PTPRE: variants seen among roughly 807,000 people sequenced by gnomAD.
PTPRE encodes the protein receptor-type tyrosine-protein phosphatase epsilon.
PTPRE carries 51 observed loss-of-function variants against 102.0 expected under a neutral mutation model. The observed-to-expected ratio is 0.50, with a 90% CI of 0.40 to 0.63. The LOEUF (loss-of-function observed/expected upper bound fraction) is 0.63. PTPRE is among the 30% of genes least tolerant of loss of function. PTPRE has a pLI of 0.00. For missense variants in PTPRE, 752 were observed against 915.1 expected (o/e 0.82, Z 2.30); for synonymous variants, 345 against 348.2 (o/e 0.99, Z 0.10).
At chr10:127,923,151 G>GTAA (rs1438912688) in intron 1 of PTPRE, among the ~76,000 whole-genome samples, 2 of 152,248 alleles carry the variant, frequency 1.3e-5, no homozygotes, top group Non-Finnish European at 2.9e-5. Context: ...TTTGACATGA[G>GTAA]TAATAGCAAA....
At chr10:128,010,133 C>A (rs769224406) in intron 2 of PTPRE, among the ~76,000 whole-genome samples, 9 of 152,162 alleles carry the variant, frequency 5.9e-5, no homozygotes, top group Admixed American at 6.5e-5. Flanking sequence ...CTTTGCTGGC[C>A]GTAAACCAGG....
intron 2 of PTPRE, among the ~76,000 whole-genome samples, chr10:128,019,820 C>CGGGGTG (rs748523996): frequency 2.1e-4 from 32 of 152,318 alleles, no homozygotes; most frequent in Non-Finnish European, 2.8e-4. Flanking sequence ...ACAGCACCCA[C>CGGGGTG]GGTGCCTCTC....
At chr10:127,910,713 G>A (rs12776505) in intron 1 of PTPRE, among the ~76,000 whole-genome samples, 9,565 of 152,234 alleles carry the variant, frequency 0.063, 391 homozygotes, top group Non-Finnish European at 0.085. Flanking sequence ...TTGACAGGCC[G>A]CTTGGCTGGT....
rs778247846 is a variant in PTPRE, at chr10:128,061,659, T to G, written c.589-20T>G. 1 of 1,579,402 alleles carries G rather than the reference T, an allele frequency of 6.3e-7. No individual in the cohort carries two copies. The highest frequency in any genetic ancestry group is 1.2e-5 in the South Asian group (1 of 86,500). ...AAAGATAATTCTGAAAAAATATAAA[T>G]CTGATGTTATTTTTTCTAGGGTTAC... On this transcript the variant is annotated intron_variant, in intron 8 of 20. Transcript: ENST00000254667.
intron 6 of PTPRE, among the ~76,000 whole-genome samples, chr10:128,054,297 G>C (rs986793580): frequency 6.6e-6 from 1 of 152,044 alleles, no homozygotes; most frequent in African/African-American, 2.4e-5. Context: ...GGGTTTTGAC[G>C]AATGCACAGT....
At chr10:128,032,102 G>A (rs1450173176) in intron 2 of PTPRE, among the ~76,000 whole-genome samples, 2 of 152,016 alleles carry the variant, frequency 1.3e-5, no homozygotes, top group African/African-American at 2.4e-5. Flanking sequence ...TGCAACCTCC[G>A]CCTCCTGGGT....
In PTPRE at chr10:127,951,974, T is replaced by C. The variant is rs373958288; in HGVS notation, c.-30-30300T>C. Among the ~76,000 whole-genome samples, 53 of 152,346 alleles carry C rather than the reference T, an allele frequency of 3.5e-4. No homozygotes were observed. In the South Asian group the frequency reaches 8.5e-3, roughly 24 times the overall value. ...TTGAGGAAATTAACACATCTCCTGA[T>C]ACCTGGTGTGCAGCTATTGATCTGG... On this transcript the variant is annotated intron_variant, in intron 1 of 20. Coordinates refer to ENST00000254667, the MANE Select transcript of PTPRE (RefSeq NM_006504.6).
chr10:128,037,399 T>C (rs1847306173), intron 2 of PTPRE, among the ~76,000 whole-genome samples: 2 of 152,212 alleles, frequency 1.3e-5, no homozygotes, highest in African/African-American at 4.8e-5. Context: ...GAGGAATCAT[T>C]GCTCCCTCAC....
intron 1 of PTPRE, among the ~76,000 whole-genome samples, chr10:127,948,162 A>G (rs1848758233): frequency 6.6e-6 from 1 of 152,196 alleles, no homozygotes; most frequent in South Asian, 2.1e-4. Context: ...GGGTGAGCCT[A>G]GGCTTAGAAG....
chr10:127,969,544 T>C (rs1417691903), intron 1 of PTPRE, among the ~76,000 whole-genome samples: 1 of 152,102 alleles, frequency 6.6e-6, no homozygotes, highest in East Asian at 1.9e-4. Context: ...GGTGCACACC[T>C]GTAATCCCAG....
chr10:127,988,425 C>T (rs1031551142), intron 2 of PTPRE, among the ~76,000 whole-genome samples: 3 of 151,084 alleles, frequency 2.0e-5, no homozygotes, highest in African/African-American at 7.3e-5. Context: ...CCTGCCTCTA[C>T]CTCCTGAGTA....
chr10:127,955,230 G>T (rs1849311491), intron 1 of PTPRE, among the ~76,000 whole-genome samples: 1 of 152,056 alleles, frequency 6.6e-6, no homozygotes. Context: ...TGAAGGTTTA[G>T]GTAACTCCAG....
At chr10:128,000,068 T>A in intron 2 of PTPRE, 1 of 683,742 alleles carries the variant, frequency 1.5e-6, no homozygotes, top group Non-Finnish European at 1.8e-6. Flanking sequence ...CATGAGTCTT[T>A]AACTTAGTAT....
chr10:127,976,156 T>G (rs1440630318), intron 1 of PTPRE, among the ~76,000 whole-genome samples: 1 of 152,132 alleles, frequency 6.6e-6, no homozygotes, highest in East Asian at 1.9e-4. Flanking sequence ...TTAAAAAACA[T>G]GACAGTGACT....
intron 1 of PTPRE, among the ~76,000 whole-genome samples, chr10:127,937,212 T>A (rs931064147): frequency 6.6e-6 from 1 of 152,172 alleles, no homozygotes; most frequent in African/African-American, 2.4e-5. Context: ...ATTCACATGA[T>A]AATGGCTTTT....
chr10:128,015,452 C>T (rs187427680), intron 2 of PTPRE, among the ~76,000 whole-genome samples: 45 of 152,246 alleles, frequency 3.0e-4, no homozygotes, highest in African/African-American at 1.0e-3. Flanking sequence ...CTGCAAGCTC[C>T]GCCTCCTGGG....
intron 2 of PTPRE, among the ~76,000 whole-genome samples, chr10:128,010,274 A>C (rs1441930749): frequency 1.3e-5 from 2 of 152,206 alleles, no homozygotes; most frequent in Non-Finnish European, 2.9e-5. Context: ...CACACAGAAA[A>C]TGGCAGAGCC....
chr10:128,077,399 G>A (rs1022850940), intron 18 of PTPRE, among the ~76,000 whole-genome samples: 6 of 152,190 alleles, frequency 3.9e-5, no homozygotes, highest in African/African-American at 9.6e-5. Context: ...TGGACGGCTC[G>A]CTCCCCCTTG....
chr10:128,070,018 C>T lies in PTPRE; in HGVS notation c.1143+191C>T, dbSNP rs1211417950. On this transcript the variant is annotated intron_variant, in intron 13 of 20. Transcript: ENST00000254667. This position sits in a 1 kb window ranked among gnomAD's most constrained non-coding sequence, Gnocchi z 4.8. Reference sequence around the variant, plus strand: ...GGGACTCCCTCGTCCTCATCTTTCCCTCGTATCCTCATGTGAGATGGGGCA... The same window carrying T: ...GGGACTCCCTCGTCCTCATCTTTCCTTCGTATCCTCATGTGAGATGGGGCA... The T allele has an allele frequency of 1.1e-5, 9 of 818,876 alleles. No individual in the cohort carries two copies. The highest frequency in any genetic ancestry group is 6.9e-5 in the South Asian group (4 of 57,572). The allele number at this position is 818,876 out of a possible 1,614,324, so 50.7% of individuals were successfully genotyped here. A position where few individuals can be genotyped will look rare whatever the true frequency, so the allele number is the denominator to read the frequency against.
Sources: allele counts gnomAD v4.1 joint callset (sites outside exome capture counted in the v4.1 genomes callset), GRCh38; gene constraint gnomAD v4.1.1; non-coding constraint Gnocchi (gnomAD v3.1); transcripts MANE v1.5; gene names NCBI Gene and HGNC (gene_info 2026-07-23, HGNC 2026-07-21).